The following RNF169 variants were observed in gnomAD, a reference collection of about 807,000 sequenced individuals.
RNF169 encodes E3 ubiquitin-protein ligase RNF169.
RNF169 carries 24 observed loss-of-function variants against 53.9 expected under a neutral mutation model. The ratio of observed to expected loss-of-function variants is 0.45; its 90% confidence interval spans 0.32 to 0.63. The LOEUF is 0.63. RNF169 is among the 20% of genes least tolerant of loss of function. The pLI is 0.04. For synonymous variants in RNF169, 396 were observed against 363.5 expected, an observed-to-expected ratio of 1.09 and a Z score of -1.02; for missense variants, 883 against 906.2, an observed-to-expected ratio of 0.97 and a Z score of 0.33.
intron 3 of RNF169, among the ~76,000 whole-genome samples, chr11:74,810,793 A>G (rs78838776): frequency 1.7e-4 from 26 of 152,270 alleles, no homozygotes; most frequent in Non-Finnish European, 2.8e-4. Flanking sequence ...TTAGACTTCT[A>G]ATTGGGCCAA....
intron 2 of RNF169, among the ~76,000 whole-genome samples, chr11:74,806,383 C>A (rs926721611): frequency 2.0e-5 from 3 of 152,146 alleles, no homozygotes; most frequent in African/African-American, 7.2e-5. Context: ...ACTGGGGAGG[C>A]AGGCGTGTAA....
chr11:74,777,529 C>T (rs1402224465), intron 1 of RNF169, among the ~76,000 whole-genome samples: 1 of 152,088 alleles, frequency 6.6e-6, no homozygotes, highest in Non-Finnish European at 1.5e-5. Flanking sequence ...TGATCCAGTG[C>T]GGATTACCTA....
chr11:74,821,786 G>A (rs2036014757), intron 4 of RNF169, among the ~76,000 whole-genome samples: 2 of 152,096 alleles, frequency 1.3e-5, no homozygotes, highest in South Asian at 4.1e-4. Context: ...TAGCTAAAGG[G>A]TATAGGGTTC....
intron 1 of RNF169, among the ~76,000 whole-genome samples, chr11:74,766,091 AAAC>A (rs2035170252): frequency 6.6e-6 from 1 of 152,186 alleles, no homozygotes; most frequent in African/African-American, 2.4e-5. Context: ...AGATTTAAAA[AAAC>A]CTATAAATAT....
intron 3 of RNF169, among the ~76,000 whole-genome samples, chr11:74,815,335 C>A (rs549478934): frequency 1.3e-5 from 2 of 152,136 alleles, no homozygotes; most frequent in African/African-American, 4.8e-5. Flanking sequence ...GCGGGCAGAT[C>A]ACTTGAGGTC....
intron 1 of RNF169, among the ~76,000 whole-genome samples, chr11:74,767,481 C>G (rs1399671688): frequency 6.6e-6 from 1 of 152,166 alleles, no homozygotes; most frequent in Non-Finnish European, 1.5e-5. Flanking sequence ...TTTTGGCTCA[C>G]TGCAACCTCC....
intron 2 of RNF169, among the ~76,000 whole-genome samples, chr11:74,793,009 C>G (rs558758066): frequency 2.4e-4 from 37 of 152,164 alleles, no homozygotes; most frequent in Non-Finnish European, 4.0e-4. Flanking sequence ...TTAAAAGGCA[C>G]TAGTATGGCA....
At chr11:74,822,476 T>A (rs1408302728) in intron 4 of RNF169, among the ~76,000 whole-genome samples, 1 of 151,762 alleles carries the variant, frequency 6.6e-6, no homozygotes, top group Non-Finnish European at 1.5e-5. Flanking sequence ...AGTGCTGCTT[T>A]CTCTTGTTTA....
At chr11:74,829,851 A>G (rs1184401162) in intron 4 of RNF169, among the ~76,000 whole-genome samples, 2 of 152,056 alleles carry the variant, frequency 1.3e-5, no homozygotes, top group East Asian at 3.9e-4. Context: ...TGGGGCCTGC[A>G]GGAGAATGGG....
intron 4 of RNF169, among the ~76,000 whole-genome samples, chr11:74,827,355 TCTC>T (rs2036113980): frequency 6.6e-6 from 1 of 152,176 alleles, no homozygotes; most frequent in African/African-American, 2.4e-5. Context: ...GAAACCATTT[TCTC>T]CTCCTAGCTT....
At chr11:74,754,023 A>G (rs571250) in intron 1 of RNF169, among the ~76,000 whole-genome samples, 30,849 of 152,150 alleles carry the variant, frequency 0.2, 3,287 homozygotes, top group South Asian at 0.38. Flanking sequence ...GTTCAACTTC[A>G]TATTCTTTGA....
In RNF169 at chr11:74,751,125, C is replaced by T. The variant is rs978214207; in HGVS notation, c.502+1743C>T. On this transcript the variant is annotated intron_variant, in intron 1 of 5. Coordinates refer to ENST00000299563, the MANE Select transcript of RNF169 (RefSeq NM_001098638.2). ...GCGTCAAGTGATCCGCCCACCTCTGCCTCCTGAAGTGTTGGGATTACAGGC... is the reference window on the plus strand; with the variant it reads ...GCGTCAAGTGATCCGCCCACCTCTGTCTCCTGAAGTGTTGGGATTACAGGC... Among the ~76,000 whole-genome samples the T allele has an allele frequency of 4.0e-5, 6 of 151,700 alleles. No individual in the cohort carries two copies. The East Asian group carries it at 9.7e-4, about 24-fold the overall frequency.
chr11:74,762,994 G>C (rs965385406), intron 1 of RNF169, among the ~76,000 whole-genome samples: 2 of 152,144 alleles, frequency 1.3e-5, no homozygotes, highest in African/African-American at 4.8e-5. Flanking sequence ...TTTTTGATGT[G>C]CTGCACTCTA....
intron 4 of RNF169, 37 bp downstream of exon 4, chr11:74,817,751 G>A (rs1456343842): frequency 7.4e-7 from 1 of 1,343,860 alleles, no homozygotes; most frequent in East Asian, 2.3e-5. Context: ...AGGGGTCTTT[G>A]GTTTTGGGGT....
chr11:74,778,295 C>T (rs1263276908), intron 1 of RNF169, among the ~76,000 whole-genome samples: 1 of 152,152 alleles, frequency 6.6e-6, no homozygotes, highest in African/African-American at 2.4e-5. Context: ...CCTCTTTAAC[C>T]TACTAATCTC....
intron 3 of RNF169, among the ~76,000 whole-genome samples, chr11:74,813,770 C>G (rs950805971): frequency 6.6e-6 from 1 of 152,078 alleles, no homozygotes; most frequent in Non-Finnish European, 1.5e-5. Context: ...GGCTTACTAC[C>G]ACCTCTGCCT....
intron 2 of RNF169, among the ~76,000 whole-genome samples, chr11:74,791,275 T>A (rs915346432): frequency 6.6e-6 from 1 of 152,132 alleles, no homozygotes; most frequent in African/African-American, 2.4e-5. Flanking sequence ...TGCATACTGA[T>A]TGGTCCATGG....
chr11:74,748,992 GC>G lies in RNF169; in HGVS notation c.116del (p.Pro39GlnfsTer139). 1.3e-6 allele frequency: 2 copies of G among 1,497,200 alleles called. No individual in the cohort carries two copies. Among genetic ancestry groups the G allele is most frequent in the Non-Finnish European group, 1.8e-6 (2 of 1,118,544 alleles). 92.7% of individuals were successfully genotyped at this position (1,497,200 alleles called of 1,614,324 possible). On this transcript the variant is annotated frameshift_variant, in exon 1 of 6. Transcript: ENST00000299563. LOFTEE classifies it high-confidence loss of function. ...CDETAAAKTG[A>X]PGPASGPSLL... ...CGAGACGGCGGCAGCTAAGACTGGG[GC>G]CCCAGGCCCGGCTTCTGGACCTTCG...
chr11:74,753,718 TA>T (rs1405246809), intron 1 of RNF169, among the ~76,000 whole-genome samples: 4 of 152,064 alleles, frequency 2.6e-5, no homozygotes, highest in African/African-American at 9.7e-5. Flanking sequence ...GTGACGTTCT[TA>T]ATTTTTTTTT....
Sources: gnomAD v4.1 joint callset for allele counts (sites outside exome capture counted in the v4.1 genomes callset) on GRCh38, gnomAD v4.1.1 for gene constraint, MANE v1.5 for transcripts, NCBI Gene and HGNC (gene_info 2026-07-23, HGNC 2026-07-21) for gene names.